Variants in TFIP11 observed in about 807,000 individuals in gnomAD.
TFIP11 encodes the protein tuftelin interacting protein 11.
TFIP11 carries 86 observed loss-of-function variants against 96.8 expected under a neutral mutation model. The ratio of observed to expected loss-of-function variants is 0.89; its 90% CI spans 0.75 to 1.06. The LOEUF (loss-of-function observed/expected upper bound fraction) is 1.06. TFIP11 is among the 50% of genes least tolerant of loss of function. The pLI is 0.00. For synonymous variants in TFIP11, 405 were observed against 395.2 expected (o/e 1.02, Z -0.29); for missense variants, 881 against 1,076.7 (o/e 0.82, Z 2.54).
In TFIP11 at chr22:26,499,217, T is replaced by C. The variant is rs751102347; in HGVS notation, c.1216A>G (p.Thr406Ala). The C allele has an allele frequency of 3.7e-6, 6 of 1,613,860 alleles. No individual in the cohort carries two copies. The highest frequency in any genetic ancestry group is 1.7e-5 in the Admixed American group (1 of 59,986). ...TLDECARIFE[T>A]LQDKYYEEYR... Reference sequence around the variant, plus strand: ...TCCTCATAGTACTTGTCCTGCAGGGTTTCGAAGATGCGGGCACACTCGTCC... The same window carrying C: ...TCCTCATAGTACTTGTCCTGCAGGGCTTCGAAGATGCGGGCACACTCGTCC... The change falls in exon 9 of 15, where the codon ACC becomes GCC. Residue 406 changes from threonine (T) to alanine (A), a missense_variant. By Grantham distance (58) the Thr-to-Ala change is moderately conservative. Transcript: ENST00000407690.
Position 26,496,172 on chromosome 22 carries a change from TG to T in TFIP11, c.1749del (p.Ser584AlafsTer29). 2 of 1,613,836 alleles carry T rather than the reference TG, an allele frequency of 1.2e-6. No homozygotes were observed. The highest frequency in any genetic ancestry group is 1.7e-6 in the Non-Finnish European group (2 of 1,180,004). On this transcript the variant is annotated frameshift_variant, in exon 12 of 15. Coordinates refer to ENST00000407690, the MANE Select transcript of TFIP11 (RefSeq NM_012143.4). LOFTEE classifies it high-confidence loss of function. ...KLSSALQKWH[P>X]SDSSAKLILQ... ...AGGATGAGCTTGGCAGAGGAGTCGC[TG>T]GGGTGCCACTTCTGCAGGGCGCTGG...
At chr22:26,505,034 G>A (rs1171988885) in intron 6 of TFIP11, among the ~76,000 whole-genome samples, 1 of 152,134 alleles carries the variant, frequency 6.6e-6, no homozygotes, top group East Asian at 1.9e-4. Context: ...TTGAGATCGT[G>A]CCACTGCACT....
intron 13 of TFIP11, chr22:26,494,516 C>A (rs1386823765): frequency 4.2e-6 from 3 of 706,564 alleles, no homozygotes; most frequent in Non-Finnish European, 7.0e-6. Flanking sequence ...ACTCTCTGAG[C>A]CTCAGCTTCC....
chr22:26,494,972 T>G (rs1921737133), intron 12 of TFIP11, 33 bp from the exon 13 acceptor site: 1 of 1,612,620 alleles, frequency 6.2e-7, no homozygotes, highest in African/African-American at 1.3e-5. Flanking sequence ...AAGGCACAGC[T>G]TTAGTACTGG....
intron 12 of TFIP11, among the ~76,000 whole-genome samples, chr22:26,495,260 CTTTTTTTTTTTTTTTTTTTTTT>C (rs150268332): frequency 1.7e-5 from 1 of 59,156 alleles, no homozygotes; most frequent in Non-Finnish European, 2.9e-5. Flanking sequence ...CAACTCCTGG[CTTTTTTTTTTTTTTTTTTTTTT>C]TTTTTTTTTT....
chr22:26,511,087 T>C (rs1320080382), intron 2 of TFIP11: 1 of 152,200 alleles, frequency 6.6e-6, no homozygotes, highest in Non-Finnish European at 1.5e-5. Flanking sequence ...GACATACATA[T>C]ATAAAGGGGA....
At position 26,491,826 on chromosome 22, in the gene TFIP11, T is replaced by C; in HGVS notation, c.*187A>G. On this transcript the variant is annotated 3_prime_UTR_variant, in exon 15 of 15. Coordinates refer to ENST00000407690, the MANE Select transcript of TFIP11 (RefSeq NM_012143.4). ...TGAGGACGATACCCCACATGAGGAC[T>C]TGGTATAAAGATTCCTGCCCTACGT... The C allele has an allele frequency of 1.1e-6, 1 of 919,512 alleles. No individual in the cohort carries two copies. The highest frequency in any genetic ancestry group is 2.6e-5 in the East Asian group (1 of 38,012). 57.0% of individuals were successfully genotyped at this position (919,512 alleles called of 1,614,324 possible). A position where few individuals can be genotyped will look rare whatever the true frequency, so the allele number is the denominator to read the frequency against.
chr22:26,498,170 T>C (rs1398680639), intron 10 of TFIP11, among the ~76,000 whole-genome samples: 1 of 152,198 alleles, frequency 6.6e-6, no homozygotes, highest in Admixed American at 6.5e-5. Flanking sequence ...AGCTAAGTTA[T>C]GAGGATGCAA....
intron 8 of TFIP11, 102 bp from the exon 9 acceptor site, chr22:26,499,733 C>G: frequency 8.1e-7 from 1 of 1,233,814 alleles, no homozygotes; most frequent in East Asian, 2.3e-5. Context: ...TGTGTAGAAA[C>G]CACATTATTC....
chr22:26,494,854 GATC>G lies in TFIP11; in HGVS notation c.1932_1934del (p.Met644del). 6.2e-7 allele frequency: 1 copy of G among 1,614,202 alleles called. No homozygotes were observed. The highest frequency in any genetic ancestry group is 8.5e-7 in the Non-Finnish European group (1 of 1,180,038). On this transcript the variant is annotated inframe_deletion, in exon 13 of 15. Coordinates refer to ENST00000407690, the MANE Select transcript of TFIP11 (RefSeq NM_012143.4). Reference sequence around the variant, plus strand: ...GAAGTCCCACCAGGCTAGAGACAGAGATCATCCCTTCCCAGTCAATCACCCAAT... The same window carrying G: ...GAAGTCCCACCAGGCTAGAGACAGAGATCCCTTCCCAGTCAATCACCCAAT...
chr22:26,499,794 G>A (rs1219870338), intron 8 of TFIP11, among the ~76,000 whole-genome samples, 163 bp from the exon 9 acceptor site: 1 of 152,234 alleles, frequency 6.6e-6, no homozygotes, highest in African/African-American at 2.4e-5. Context: ...TACTGTCCTA[G>A]CCTAAAGGAG....
rs779791592 is a variant in TFIP11 at position 26,499,286 on chromosome 22, A to G, written c.1147T>C (p.Cys383Arg). 1.2e-6 allele frequency: 2 copies of G among 1,613,090 alleles called. No homozygotes were observed. The highest frequency in any genetic ancestry group is 1.7e-6 in the Non-Finnish European group (2 of 1,179,670). The change falls in exon 9 of 15, where the codon TGC (cysteine) becomes CGC (arginine). Residue 383 changes from cysteine to arginine, a missense_variant. Physicochemically the swap from Cys to Arg is radical, Grantham distance 180. Transcript: ENST00000407690. ...CAGTCGGGCTGCATCCGCCGCTCGCACTCCTCCACCATCTCCAGGACCTTG... is the reference window on the plus strand; with the variant it reads ...CAGTCGGGCTGCATCCGCCGCTCGCGCTCCTCCACCATCTCCAGGACCTTG... Reference protein sequence around the residue: ...LSKVLEMVEECERRMQPDCSN... With the variant: ...LSKVLEMVEERERRMQPDCSN...
rs760347150 is a variant in TFIP11, at chr22:26,499,524, C to T, written c.909G>A (p.Leu303=). 6.2e-7 allele frequency: 1 copy of T among 1,614,220 alleles called. No homozygotes were observed. Among genetic ancestry groups the T allele is most frequent in the Non-Finnish European group, 8.5e-7 (1 of 1,180,056 alleles). ...DDGLPLQSQQ[L]PQSGKEAKAP... Reference sequence around the variant, plus strand: ...CCTTGGCCTCTTTGCCAGACTGTGGCAGCTGTTGGGACTGTAGCGGCAGCC... The same window carrying T: ...CCTTGGCCTCTTTGCCAGACTGTGGTAGCTGTTGGGACTGTAGCGGCAGCC... The change falls in exon 9 of 15, where the codon CTG becomes CTA. Residue 303 remains leucine, a synonymous_variant. Coordinates refer to ENST00000407690, the MANE Select transcript of TFIP11 (RefSeq NM_012143.4).
intron 10 of TFIP11, among the ~76,000 whole-genome samples, 155 bp from the exon 11 acceptor site, chr22:26,497,044 A>G (rs950753016): frequency 6.6e-6 from 1 of 152,136 alleles, no homozygotes; most frequent in Non-Finnish European, 1.5e-5. Flanking sequence ...TACTGGCCAG[A>G]CTGAGCCTGC....
At chr22:26,496,584 A>T in intron 11 of TFIP11, 137 bp downstream of exon 11, 1 of 1,187,456 alleles carries the variant, frequency 8.4e-7, no homozygotes, top group Non-Finnish European at 1.2e-6. Flanking sequence ...GGCTGGAATT[A>T]ACACTATAGG....
chr22:26,498,734 A>G, intron 10 of TFIP11, 135 bp downstream of exon 10: 1 of 688,144 alleles, frequency 1.5e-6, no homozygotes, highest in Non-Finnish European at 2.5e-6. Flanking sequence ...AAATGAATTT[A>G]AATTCCTAAA....
At position 26,499,546 on chromosome 22, in the gene TFIP11, A is replaced by C; in HGVS notation, c.887T>G (p.Leu296Arg). ...TGGCAGCTGTTGGGACTGTAGCGGC[A>C]GCCCATCATCGGGAACGTTGTGCTT... is the stretch of plus-strand genomic sequence containing the variant. ...SHKHNVPDDG[L>R]PLQSQQLPQS... The change falls in exon 9 of 15, where the codon CTG (leucine) becomes CGG (arginine). Residue 296 changes from leucine (L) to arginine (R), a missense_variant. Coordinates refer to ENST00000407690, the MANE Select transcript of TFIP11 (RefSeq NM_012143.4). The C allele has an allele frequency of 6.2e-7, 1 of 1,614,208 alleles. No homozygotes were observed. Among genetic ancestry groups the C allele is most frequent in the Non-Finnish European group, 8.5e-7 (1 of 1,180,046 alleles).
intron 6 of TFIP11, among the ~76,000 whole-genome samples, chr22:26,504,693 CCTCATT>C (rs757267387): frequency 1.3e-5 from 2 of 152,076 alleles, no homozygotes; most frequent in Non-Finnish European, 2.9e-5. Flanking sequence ...AAAACTGTCC[CCTCATT>C]CTCATTCAGT....
chr22:26,495,762 C>T (rs1921933356), intron 12 of TFIP11, among the ~76,000 whole-genome samples: 1 of 151,118 alleles, frequency 6.6e-6, no homozygotes, highest in Non-Finnish European at 1.5e-5. Flanking sequence ...GAGTAAAATA[C>T]CACAAAAATT....
Sources: allele counts gnomAD v4.1 joint callset (sites outside exome capture counted in the v4.1 genomes callset), GRCh38; gene constraint gnomAD v4.1.1; transcripts MANE v1.5; gene names NCBI Gene and HGNC (gene_info 2026-07-23, HGNC 2026-07-21).